C1S: variants seen among roughly 807,000 people sequenced by gnomAD.
C1S encodes the protein complement C1s subcomponent.
Under a neutral mutation model 54.0 loss-of-function variants are expected in C1S, and 31 were observed. The observed-to-expected ratio is 0.57, with a 90% CI of 0.43 to 0.78. The LOEUF (loss-of-function observed/expected upper bound fraction) is 0.78, where lower values mean the gene tolerates loss of function less well. Among genes scored for constraint, C1S ranks in the 30% least tolerant of loss-of-function variants. The pLI is 0.00. For missense variants in C1S, 727 were observed against 851.8 expected, an observed-to-expected ratio of 0.85 and a Z score of 1.82; for synonymous variants, 292 against 303.6, an observed-to-expected ratio of 0.96 and a Z score of 0.40.
chr12:7,065,115 A>T lies in C1S; in HGVS notation c.533A>T (p.Asp178Val). The part of the protein sequence containing the change: ...MKNCGVNCSG[D>V]VFTALIGEIA... ...TCTCTGTTAGTTAATTGCAGTGGGG[A>T]TGTATTCACTGCACTGATTGGGGAG... The change falls in exon 6 of 12, where the codon GAT (aspartate) becomes GTT (valine). Residue 178 changes from aspartate (D) to valine (V), a missense_variant. Coordinates refer to ENST00000360817, the MANE Select transcript of C1S (RefSeq NM_001734.5). The T allele has an allele frequency of 6.2e-7, 1 of 1,613,620 alleles. No individual in the cohort carries two copies. The highest frequency in any genetic ancestry group is 1.1e-5 in the South Asian group (1 of 91,064).
chr12:7,062,002 G>T, intron 2 of C1S, 85 bp downstream of exon 2: 1 of 1,326,102 alleles, frequency 7.5e-7, no homozygotes. Flanking sequence ...AGGCATGATG[G>T]CTCACACCTG....
chr12:7,067,254 A>G, intron 9 of C1S, 137 bp downstream of exon 9: 1 of 726,734 alleles, frequency 1.4e-6, no homozygotes, highest in Admixed American at 2.0e-5. Context: ...GAAGCCAGTC[A>G]TGGAAGCTTT....
intron 2 of C1S, 121 bp from the exon 3 acceptor site, chr12:7,062,354 C>A: frequency 1.3e-6 from 1 of 759,170 alleles, no homozygotes; most frequent in South Asian, 1.5e-5. Context: ...CTAAGATTCT[C>A]CCCCATGGCC....
intron 1 of C1S, chr12:7,061,247 A>C (rs1947083883): frequency 6.4e-6 from 1 of 155,256 alleles, no homozygotes; most frequent in Non-Finnish European, 1.4e-5. Context: ...TCCTCGCACA[A>C]CCCTGTATCA....
Position 7,070,680 on chromosome 12 carries a change from G to C in C1S, c.*29G>C. On this transcript the variant is annotated 3_prime_UTR_variant, in exon 12 of 12. Transcript: ENST00000360817. This position sits in a 1 kb window ranked among gnomAD's most constrained non-coding sequence, Gnocchi z 4.9. ...AGATACATCCCACCAGCCTCTCCAAGGGTGGTGACCAATGCATTACCTTCT... is the reference window on the plus strand; with the variant it reads ...AGATACATCCCACCAGCCTCTCCAACGGTGGTGACCAATGCATTACCTTCT... 6.3e-7 allele frequency: 1 copy of C among 1,580,882 alleles called. No individual in the cohort carries two copies. Among genetic ancestry groups the C allele is most frequent in the Non-Finnish European group, 8.7e-7 (1 of 1,150,878 alleles).
At chr12:7,061,495 A>T in intron 1 of C1S, 1 of 333,994 alleles carries the variant, frequency 3.0e-6, no homozygotes, top group Non-Finnish European at 5.9e-6. Flanking sequence ...AAATGGGAGC[A>T]TCGTTCTTGA....
chr12:7,068,479 G>C lies in C1S; in HGVS notation c.1219G>C (p.Gly407Arg). 6.2e-7 allele frequency: 1 copy of C among 1,613,772 alleles called. No individual in the cohort carries two copies. The highest frequency in any genetic ancestry group is 8.5e-7 in the Non-Finnish European group (1 of 1,179,712). The change falls in exon 11 of 12, where the codon GGG becomes CGG. Residue 407 changes from glycine to arginine, a missense_variant. Physicochemically the swap from Gly to Arg is moderately radical, Grantham distance 125. This residue lies in a region of C1S where 360 missense variants were observed against 453.6 expected (regional missense o/e 0.79). Coordinates refer to ENST00000360817, the MANE Select transcript of C1S (RefSeq NM_001734.5). Reference sequence around the variant, plus strand: ...AGGGGAGTATCACTGTGCTGGTAACGGGAGCTGGGTGAATGAGGTGCTGGG... The same window carrying C: ...AGGGGAGTATCACTGTGCTGGTAACCGGAGCTGGGTGAATGAGGTGCTGGG... ...GGGEYHCAGN[G>R]SWVNEVLGPE...
chr12:7,066,316 C>G, intron 7 of C1S: 1 of 656,760 alleles, frequency 1.5e-6, no homozygotes, highest in South Asian at 1.7e-5. Flanking sequence ...AATCCTTTAA[C>G]TAGACCTGAG....
Position 7,068,458 on chromosome 12 carries a change from G to T in C1S, c.1198G>T (p.Glu400Ter). The change falls in exon 11 of 12, where the codon GAG becomes TAG. Residue 400 changes from glutamate to a stop codon, truncating the protein, a stop_gained and splice_region_variant. Transcript: ENST00000360817. LOFTEE classifies it high-confidence loss of function. Reference protein sequence around the residue: ...YYYMENGGGGEYHCAGNGSWV... With the variant: ...YYYMENGGGG ...CTGTGTTCTCTGTGCTATTCCAGGG[G>T]AGTATCACTGTGCTGGTAACGGGAG... The T allele has an allele frequency of 6.2e-7, 1 of 1,611,592 alleles. No homozygotes were observed. Among genetic ancestry groups the T allele is most frequent in the South Asian group, 1.1e-5 (1 of 91,034 alleles).
chr12:7,064,744 C>A (rs1947148483), intron 5 of C1S, among the ~76,000 whole-genome samples: 1 of 152,050 alleles, frequency 6.6e-6, no homozygotes, highest in Non-Finnish European at 1.5e-5. Flanking sequence ...GTATTGGCAT[C>A]TATTCTTAGT....
In C1S at chr12:7,063,085, G is replaced by A. The variant is rs1555161545; in HGVS notation, c.391+18G>A. The A allele has an allele frequency of 6.2e-7, 1 of 1,607,762 alleles. No individual in the cohort carries two copies. Among genetic ancestry groups the A allele is most frequent in the African/African-American group, 1.3e-5 (1 of 74,876 alleles). ...TGCCACAGGTAAGGCTCACCCTTCT[G>A]CATGTGCCTTATTGACCCAGCTAAA... is the stretch of plus-strand genomic sequence containing the variant. On this transcript the variant is annotated intron_variant, in intron 4 of 11. Coordinates refer to ENST00000360817, the MANE Select transcript of C1S (RefSeq NM_001734.5).
At position 7,070,473 on chromosome 12, in the gene C1S, G is replaced by A. The variant is rs1937822200; in HGVS notation, c.1889G>A (p.Gly630Glu). Residue 630 changes from glycine to glutamate, a missense_variant, in exon 12 of 12, where the codon GGG becomes GAG. Around this residue, in one of 3 missense-constraint regions of C1S, gnomAD observed 360 missense variants for 453.6 expected, o/e 0.79. Transcript: ENST00000360817. This position sits in a 1 kb window ranked among gnomAD's most constrained non-coding sequence, Gnocchi z 4.9. Reference protein sequence around the residue: ...GGEKGMDSCKGDSGGAFAVQD... With the variant: ...GGEKGMDSCKEDSGGAFAVQD... ...GAGAAGGGCATGGATAGCTGTAAAG[G>A]GGACAGTGGTGGGGCCTTTGCTGTA... 1 of 1,614,236 alleles carries A rather than the reference G, an allele frequency of 6.2e-7. No homozygotes were observed. The highest frequency in any genetic ancestry group is 8.5e-7 in the Non-Finnish European group (1 of 1,180,046).
Position 7,070,213 on chromosome 12 carries a change from C to A in C1S, c.1629C>A (p.Pro543=), listed in dbSNP as rs1193395046. ...VRLKDPVKMG[P]TVSPICLPGT... is the part of the protein sequence containing the mutation. ...TGAAAGACCCAGTGAAAATGGGACC[C>A]ACCGTCTCTCCCATCTGCCTACCAG... The change falls in exon 12 of 12, where the codon CCC becomes CCA. Residue 543 remains proline (P), a synonymous_variant. Transcript: ENST00000360817. The surrounding 1 kb of genome is among the most constrained non-coding windows in gnomAD (Gnocchi z 4.9). 8.1e-6 allele frequency: 13 copies of A among 1,614,116 alleles called. No individual in the cohort carries two copies. The highest frequency in any genetic ancestry group is 1.1e-5 in the Non-Finnish European group (13 of 1,179,960).
intron 1 of C1S, chr12:7,061,442 A>G (rs1270315099): frequency 9.9e-6 from 3 of 303,848 alleles, no homozygotes; most frequent in African/African-American, 6.5e-5. Flanking sequence ...GCTGTCCTAC[A>G]TGGATGATCA....
At chr12:7,068,998 T>C (rs1325046334) in intron 11 of C1S, among the ~76,000 whole-genome samples, 1 of 152,132 alleles carries the variant, frequency 6.6e-6, no homozygotes, top group Non-Finnish European at 1.5e-5. Flanking sequence ...TCCTGGGTGG[T>C]ACTGAAAGCT....
intron 10 of C1S, 32 bp from the exon 11 acceptor site, chr12:7,068,424 G>A (rs1555162646): frequency 2.0e-6 from 3 of 1,504,592 alleles, no homozygotes; most frequent in South Asian, 2.3e-5. Flanking sequence ...ATGTGGTGGT[G>A]AGTGTGGCCT....
chr12:7,065,539 C>G (rs1222142805), intron 6 of C1S: 2 of 521,460 alleles, frequency 3.8e-6, no homozygotes, highest in Admixed American at 6.5e-5. Flanking sequence ...TATTGTTATT[C>G]TTTTTTTTTT....
At chr12:7,065,725 A>G (rs782313343) in intron 6 of C1S, 92 bp from the exon 7 acceptor site, 1 of 1,074,356 alleles carries the variant, frequency 9.3e-7, no homozygotes, top group East Asian at 2.4e-5. Flanking sequence ...TTTATGTGAC[A>G]TTTAATGCCT....
intron 5 of C1S, 36 bp from the exon 6 acceptor site, chr12:7,065,064 T>C (rs1379753853): frequency 6.5e-7 from 1 of 1,528,538 alleles, no homozygotes; most frequent in Non-Finnish European, 9.1e-7. Flanking sequence ...TGCTTGACCC[T>C]GTATTTGATT....
Sources: allele counts gnomAD v4.1 joint callset (sites outside exome capture counted in the v4.1 genomes callset), GRCh38; gene constraint gnomAD v4.1.1; regional missense constraint gnomAD v4.1.1; non-coding constraint Gnocchi (gnomAD v3.1); transcripts MANE v1.5; gene names NCBI Gene and HGNC (gene_info 2026-07-23, HGNC 2026-07-21).